The following ENPP2 variants were observed in gnomAD, a reference collection of about 807,000 sequenced individuals.
ENPP2 encodes the protein ectonucleotide pyrophosphatase/phosphodiesterase 2.
Under a neutral mutation model 120.2 loss-of-function variants are expected in ENPP2, and 51 were observed. The observed-to-expected ratio is 0.42, with a 90% CI of 0.34 to 0.54. The LOEUF is 0.54. Ranked by LOEUF, ENPP2 falls within the 20% of genes least tolerant of loss-of-function variation. The pLI, the probability that ENPP2 is intolerant of heterozygous loss-of-function variation, is 0.04. For missense variants in ENPP2, 920 were observed against 1,066.5 expected, an observed-to-expected ratio of 0.86 and a Z score of 1.91; for synonymous variants, 365 against 366.4, an observed-to-expected ratio of 1.00 and a Z score of 0.04.
At chr8:119,579,614 T>A (rs969880135) in intron 19 of ENPP2, among the ~76,000 whole-genome samples, 2 of 151,976 alleles carry the variant, frequency 1.3e-5, no homozygotes, top group African/African-American at 4.8e-5. Flanking sequence ...CACTAATACG[T>A]GCTCGTTATC....
At chr8:119,644,205 G>A (rs1483563340) in intron 1 of ENPP2, among the ~76,000 whole-genome samples, 1 of 151,574 alleles carries the variant, frequency 6.6e-6, no homozygotes, top group African/African-American at 2.4e-5. Flanking sequence ...ATATGAATCA[G>A]AGGGAGTCAA....
In ENPP2 at chr8:119,565,102, C is replaced by A. The variant is rs182989789; in HGVS notation, c.2132-147G>T. 4.5e-5 allele frequency: 28 copies of A among 627,042 alleles called. No homozygotes were observed. The East Asian group carries it at 7.9e-4, about 18-fold the overall frequency. The allele number at this position is 627,042 out of a possible 1,614,324, so 38.8% of individuals were successfully genotyped here. On this transcript the variant is annotated intron_variant, in intron 22 of 24. Transcript: ENST00000075322. ...TCGTGATTCATGAGATGAATCAATTCTATGGCATTACCAGTGTGTGTGTCA... is the reference window on the plus strand; with the variant it reads ...TCGTGATTCATGAGATGAATCAATTATATGGCATTACCAGTGTGTGTGTCA...
intron 1 of ENPP2, among the ~76,000 whole-genome samples, chr8:119,659,779 A>C (rs913675977): frequency 2.6e-5 from 4 of 152,222 alleles, no homozygotes; most frequent in African/African-American, 9.6e-5. Flanking sequence ...CTAAGGATCA[A>C]ATTATAGATG....
At chr8:119,611,282 G>A (rs140404512) in intron 8 of ENPP2, among the ~76,000 whole-genome samples, 189 of 152,288 alleles carry the variant, frequency 1.2e-3, no homozygotes, top group African/African-American at 4.4e-3. Context: ...GCAGTTCCTC[G>A]AAGGGAAATC....
At chr8:119,590,796 C>T (rs763350280) in intron 12 of ENPP2, among the ~76,000 whole-genome samples, 166 bp from the exon 13 acceptor site, 19 of 152,142 alleles carry the variant, frequency 1.2e-4, no homozygotes, top group African/African-American at 2.9e-4. Flanking sequence ...TGGTTTAAGG[C>T]TTCTCTGTAT....
rs77180895 is a variant in ENPP2, at chr8:119,625,094, A to T, written c.292+1471T>A. On this transcript the variant is annotated intron_variant, in intron 3 of 24. Transcript: ENST00000075322. Reference sequence around the variant, plus strand: ...AGAATTCTAAGACCAGGAATCCAGAAGTTTGATATGACATGCCACAGACAA... The same window carrying T: ...AGAATTCTAAGACCAGGAATCCAGATGTTTGATATGACATGCCACAGACAA... Among the ~76,000 whole-genome samples the T allele has an allele frequency of 3.6e-3, 550 of 152,334 alleles. 1 individual carries two copies. The highest frequency in any genetic ancestry group is 0.013 in the African/African-American group (527 of 41,576).
chr8:119,647,266 A>T (rs535805355), intron 1 of ENPP2, among the ~76,000 whole-genome samples: 1 of 152,200 alleles, frequency 6.6e-6, no homozygotes, highest in Admixed American at 6.5e-5. Context: ...AAGTGCTAAG[A>T]TTACAGGGGT....
At chr8:119,665,231 C>T (rs914184695) in intron 1 of ENPP2, among the ~76,000 whole-genome samples, 7 of 152,148 alleles carry the variant, frequency 4.6e-5, no homozygotes, top group African/African-American at 1.4e-4. Flanking sequence ...TCAATTCAAC[C>T]CATAACAACA....
chr8:119,607,056 T>C (rs1814769227), intron 9 of ENPP2, among the ~76,000 whole-genome samples: 1 of 152,104 alleles, frequency 6.6e-6, no homozygotes, highest in African/African-American at 2.4e-5. Context: ...GGAGCCCCAC[T>C]TTCTTATTAG....
At chr8:119,598,155 T>G (rs749601522) in intron 11 of ENPP2, among the ~76,000 whole-genome samples, 24 of 152,348 alleles carry the variant, frequency 1.6e-4, no homozygotes, top group Middle Eastern at 3.4e-3. Flanking sequence ...GTTTCATGTT[T>G]TAAAAGCATA....
chr8:119,645,553 G>A (rs538168277), intron 1 of ENPP2, among the ~76,000 whole-genome samples: 9 of 152,220 alleles, frequency 5.9e-5, no homozygotes, highest in East Asian at 5.8e-4. Flanking sequence ...AGCCGGGCAC[G>A]GTGGCTCACG....
At chr8:119,673,195 G>T in intron 1 of ENPP2, 1 of 1,404,080 alleles carries the variant, frequency 7.1e-7, no homozygotes, top group Non-Finnish European at 9.7e-7. Flanking sequence ...CAGAATGGCA[G>T]CTGTGACCTG....
intron 14 of ENPP2, among the ~76,000 whole-genome samples, chr8:119,586,602 TCCCAA>T (rs1021855041): frequency 1.3e-5 from 2 of 151,892 alleles, no homozygotes; most frequent in Non-Finnish European, 2.9e-5. Context: ...CCAAGGCCTT[TCCCAA>T]CTCCTTCAAG....
chr8:119,645,858 T>C (rs1421981154), intron 1 of ENPP2, among the ~76,000 whole-genome samples: 2 of 152,128 alleles, frequency 1.3e-5, no homozygotes, highest in Non-Finnish European at 2.9e-5. Flanking sequence ...CTCTTCCTGT[T>C]TGTACTCTCT....
At chr8:119,615,716 T>G (rs1815410321) in intron 8 of ENPP2, among the ~76,000 whole-genome samples, 1 of 152,204 alleles carries the variant, frequency 6.6e-6, no homozygotes, top group South Asian at 2.1e-4. Flanking sequence ...CCAGCAAGTT[T>G]CCCTGTTTCT....
intron 4 of ENPP2, among the ~76,000 whole-genome samples, chr8:119,620,453 C>T (rs558487929): frequency 9.9e-5 from 15 of 152,254 alleles, no homozygotes; most frequent in African/African-American, 3.1e-4. Flanking sequence ...TAATATAACA[C>T]CCTCTTGCCA....
At position 119,617,453 on chromosome 8, in the gene ENPP2, G is replaced by A; in HGVS notation, c.577+13C>T. 1 of 1,551,556 alleles carries A rather than the reference G, an allele frequency of 6.4e-7. No individual in the cohort carries two copies. The highest frequency in any genetic ancestry group is 8.9e-7 in the Non-Finnish European group (1 of 1,125,782). On this transcript the variant is annotated intron_variant, in intron 6 of 24. Coordinates refer to ENST00000075322, the MANE Select transcript of ENPP2 (RefSeq NM_001040092.3). ...GATTACAGATAAGAACACAGAGTAT[G>A]GAAATTACTTACTTAGTTTTTCAAT... is the stretch of plus-strand genomic sequence containing the variant.
rs142682119 is a variant in ENPP2 at position 119,569,332 on chromosome 8, G to A, written c.1956C>T (p.Cys652=). ...GAGAAACACGGACATCAGGCCGGAC[G>A]CAACTGGTCAGATGGTCAGGAACGC... is the stretch of plus-strand genomic sequence containing the variant. ...VSSVPDHLTS[C]VRPDVRVSPS... Residue 652 remains cysteine, a synonymous_variant, in exon 21 of 25, where the codon TGC becomes TGT. Transcript: ENST00000075322. 49 of 1,613,862 alleles carry A rather than the reference G, an allele frequency of 3.0e-5. No homozygotes were observed. Among genetic ancestry groups the A allele is most frequent in the Non-Finnish European group, 2.3e-5 (27 of 1,179,982 alleles).
chr8:119,582,625 G>C (rs139121041), intron 17 of ENPP2, 23 bp from the exon 18 acceptor site: 13 of 1,545,996 alleles, frequency 8.4e-6, no homozygotes, highest in Non-Finnish European at 1.2e-5. Flanking sequence ...AAGAAAAGGA[G>C]GCAGGTGCTT....
Sources: gnomAD v4.1 joint callset for allele counts (sites outside exome capture counted in the v4.1 genomes callset) on GRCh38, gnomAD v4.1.1 for gene constraint, MANE v1.5 for transcripts, NCBI Gene and HGNC (gene_info 2026-07-23, HGNC 2026-07-21) for gene names.